Variants in DYNC2I2 observed in about 807,000 individuals in gnomAD.
DYNC2I2 encodes dynein 2 intermediate chain 2, also known as cytoplasmic dynein 2 intermediate chain 2.
DYNC2I2 carries 39 observed loss-of-function variants against 52.0 expected under a neutral mutation model. That is an observed-to-expected ratio of 0.75 (90% CI 0.58 to 0.98). The LOEUF (loss-of-function observed/expected upper bound fraction) is 0.98. Among genes scored for constraint, DYNC2I2 ranks in the 50% least tolerant of loss-of-function variants. The pLI, the probability that DYNC2I2 is intolerant of heterozygous loss-of-function variation, is 0.00. For synonymous variants in DYNC2I2, 359 were observed against 321.1 expected, an observed-to-expected ratio of 1.12 and a Z score of -1.26; for missense variants, 743 against 728.4, an observed-to-expected ratio of 1.02 and a Z score of -0.23.
chr9:128,657,934 A>T (rs1289231516), upstream of DYNC2I2, among the ~76,000 whole-genome samples: 1 of 151,932 alleles, frequency 6.6e-6, no homozygotes, highest in Non-Finnish European at 1.5e-5. Context: ...TACAAAAAAA[A>T]ATTTTTTAAT....
chr9:128,678,449 T>TA, the DYNC2I2 span, among the ~76,000 whole-genome samples: 1 of 7,090 alleles, frequency 1.4e-4, no homozygotes, highest in Admixed American at 2.4e-3. Flanking sequence ...CCACAGGTAA[T>TA]TTTTTTTTTT....
chr9:128,664,792 C>T, the DYNC2I2 span, among the ~76,000 whole-genome samples: 7 of 151,180 alleles, frequency 4.6e-5, no homozygotes, highest in South Asian at 1.5e-3. Flanking sequence ...ACCAGTATTT[C>T]GTTTTTCAAC....
rs73669961 is a variant in DYNC2I2 at position 128,641,832 on chromosome 9, T to C, written c.187-893A>G. ...CAGGCCTCAGCACTGGTACCCACCC[T>C]CACCTCCACAGGCCACTCAGTTCTC... On this transcript the variant is annotated intron_variant, in intron 1 of 8. Coordinates refer to ENST00000372715, the MANE Select transcript of DYNC2I2 (RefSeq NM_052844.4). 7.2e-3 allele frequency among the ~76,000 whole-genome samples: 1,097 copies of C among 152,096 alleles called. 14 individuals carry two copies. Among genetic ancestry groups the C allele is most frequent in the African/African-American group, 0.025 (1,044 of 41,492 alleles).
the DYNC2I2 span, among the ~76,000 whole-genome samples, chr9:128,676,493 A>C: frequency 2.0e-5 from 3 of 151,552 alleles, no homozygotes; most frequent in Non-Finnish European, 4.4e-5. Flanking sequence ...CAGTCCAAAC[A>C]AACAAACAAA....
chr9:128,643,194 G>A (rs1018771171), intron 1 of DYNC2I2, among the ~76,000 whole-genome samples: 3 of 152,010 alleles, frequency 2.0e-5, no homozygotes, highest in Admixed American at 2.0e-4. Flanking sequence ...AGACCAGCCT[G>A]GGCAACAGAG....
rs201209028 is a variant in DYNC2I2 at position 128,640,890 on chromosome 9, G to C, written c.236C>G (p.Ala79Gly). Residue 79 changes from alanine to glycine, a missense_variant, in exon 2 of 9, where the codon GCC (alanine) becomes GGC (glycine). By Grantham distance (60) the Ala-to-Gly change is moderately conservative. Transcript: ENST00000372715. ...CACCTGGGCGTCCACATGATTCCTGGCCTGGGCGGATGCACTGGCAGTGGC... is the reference window on the plus strand; with the variant it reads ...CACCTGGGCGTCCACATGATTCCTGCCCTGGGCGGATGCACTGGCAGTGGC... ...SIATASASAQ[A>G]RNHVDAQVQT... The C allele has an allele frequency of 6.2e-7, 1 of 1,611,034 alleles. No individual in the cohort carries two copies. Among genetic ancestry groups the C allele is most frequent in the Admixed American group, 1.7e-5 (1 of 59,672 alleles).
intron 1 of DYNC2I2, among the ~76,000 whole-genome samples, chr9:128,645,446 T>G: frequency 6.9e-6 from 1 of 145,306 alleles, no homozygotes; most frequent in Non-Finnish European, 1.5e-5. Context: ...AGTGAAACTC[T>G]GTCTCAAAAA....
chr9:128,635,576 CG>C (rs2132144193), intron 5 of DYNC2I2, 81 bp downstream of exon 5: 4 of 1,305,504 alleles, frequency 3.1e-6, no homozygotes, highest in East Asian at 2.5e-5. Flanking sequence ...TGCCAACGCC[CG>C]GGTGACCTTC....
chr9:128,637,465 CAG>C (rs1366588891), intron 2 of DYNC2I2, among the ~76,000 whole-genome samples: 3 of 152,218 alleles, frequency 2.0e-5, no homozygotes, highest in East Asian at 1.9e-4. Context: ...CTTTTTGAGA[CAG>C]AGTCTCACTC....
At chr9:128,654,157 C>A (rs1860772673) in intron 1 of DYNC2I2, among the ~76,000 whole-genome samples, 2 of 152,194 alleles carry the variant, frequency 1.3e-5, no homozygotes, top group South Asian at 4.1e-4. Context: ...TCCCTGAGAA[C>A]CGTTCCCATA....
Position 128,634,094 on chromosome 9 carries a change from G to A in DYNC2I2, c.1373-112C>T, listed in dbSNP as rs552923565. On this transcript the variant is annotated intron_variant, in intron 8 of 8. Transcript: ENST00000372715. ...TGTTGTGTGCAGCCACAGTGGCTTT[G>A]AGTTGGGTTGCTGGAGGGAAGCCGT... The A allele has an allele frequency of 3.4e-3, 5,319 of 1,549,990 alleles. 32 individuals carry two copies. The highest frequency in any genetic ancestry group is 0.011 in the South Asian group (956 of 84,236).
the DYNC2I2 span, among the ~76,000 whole-genome samples, chr9:128,669,756 G>A: frequency 6.6e-6 from 1 of 152,282 alleles, no homozygotes; most frequent in South Asian, 2.1e-4. Context: ...TTGGCTCATT[G>A]CAACCTCTGC....
Position 128,636,954 on chromosome 9 carries a change from TTC to T in DYNC2I2, c.507_508del (p.Trp169Ter). 6.2e-7 allele frequency: 1 copy of T among 1,613,158 alleles called. No individual in the cohort carries two copies. The highest frequency in any genetic ancestry group is 8.5e-7 in the Non-Finnish European group (1 of 1,179,972). On this transcript the variant is annotated stop_gained and frameshift_variant, in exon 3 of 9. Coordinates refer to ENST00000372715, the MANE Select transcript of DYNC2I2 (RefSeq NM_052844.4). LOFTEE classifies it high-confidence loss of function. Reference sequence around the variant, plus strand: ...ACAGGCCACCACAGAGCCAGTGGAGTTCCAGGAGATGCTGGTCACATGCAGAC... The same window carrying T: ...ACAGGCCACCACAGAGCCAGTGGAGTCAGGAGATGCTGGTCACATGCAGAC...
chr9:128,677,112 T>C, the DYNC2I2 span, among the ~76,000 whole-genome samples: 20 of 151,936 alleles, frequency 1.3e-4, no homozygotes, highest in African/African-American at 4.8e-4. Flanking sequence ...CCTCCCAAAG[T>C]GCTGGGTTTA....
chr9:128,646,686 T>C (rs749319065), intron 1 of DYNC2I2, among the ~76,000 whole-genome samples: 1 of 152,334 alleles, frequency 6.6e-6, no homozygotes, highest in Non-Finnish European at 1.5e-5. Context: ...TCTAGGGCCC[T>C]TACAAATTAT....
At chr9:128,637,180 AC>A (rs1860431605) in intron 2 of DYNC2I2, among the ~76,000 whole-genome samples, 153 bp from the exon 3 acceptor site, 1 of 152,150 alleles carries the variant, frequency 6.6e-6, no homozygotes, top group Non-Finnish European at 1.5e-5. Flanking sequence ...GTTCATCCCC[AC>A]ATCTGCCCCA....
chr9:128,658,339 T>C (rs1860875880), upstream of DYNC2I2, among the ~76,000 whole-genome samples: 1 of 151,254 alleles, frequency 6.6e-6, no homozygotes, highest in Non-Finnish European at 1.5e-5. Context: ...CTAATTTTTG[T>C]ATTTTTAGTA....
At chr9:128,667,180 C>T in the DYNC2I2 span, among the ~76,000 whole-genome samples, 1 of 151,730 alleles carries the variant, frequency 6.6e-6, no homozygotes, top group Admixed American at 6.6e-5. Context: ...GCCTGGGCAA[C>T]AGAGCAAAAC....
Position 128,634,363 on chromosome 9 carries a change from C to A in DYNC2I2, c.1235G>T (p.Gly412Val), listed in dbSNP as rs1860317545. Residue 412 changes from glycine (G) to valine (V), a missense_variant, in exon 8 of 9, where the codon GGG becomes GTG. Physicochemically the swap from Gly to Val is moderately radical, Grantham distance 109. Transcript: ENST00000372715. ...PFHRNLFLSA[G>V]TDGHVHLYSM... ...GTACAGGTGGACATGCCCGTCAGTC[C>A]CAGCGCTCAGGAAGAGATTCCTAGA... 1 of 1,599,456 alleles carries A rather than the reference C, an allele frequency of 6.3e-7. No individual in the cohort carries two copies. The highest frequency in any genetic ancestry group is 1.3e-5 in the African/African-American group (1 of 74,262).
Sources: gnomAD v4.1 joint callset for allele counts (sites outside exome capture counted in the v4.1 genomes callset) on GRCh38, gnomAD v4.1.1 for gene constraint, MANE v1.5 for transcripts, NCBI Gene and HGNC (gene_info 2026-07-23, HGNC 2026-07-21) for gene names.